MET: variants seen among roughly 807,000 people sequenced by gnomAD.
MET encodes hepatocyte growth factor receptor.
Under a neutral mutation model 133.1 loss-of-function variants are expected in MET, and 48 were observed. That is an observed-to-expected ratio of 0.36 (90% CI 0.29 to 0.46). The LOEUF (loss-of-function observed/expected upper bound fraction) is 0.46. Ranked by LOEUF, MET falls within the 20% of genes least tolerant of loss-of-function variation. The pLI is 1.00. For synonymous variants in MET, 628 were observed against 616.5 expected (o/e 1.02, Z -0.28); for missense variants, 1,442 against 1,695.9 (o/e 0.85, Z 2.63).
Position 116,763,349 on chromosome 7 carries a change from A to G in MET, c.2583+81A>G, listed in dbSNP as rs763045980. 66 of 1,281,228 alleles carry G rather than the reference A, an allele frequency of 5.2e-5. 1 individual carries two copies. The highest frequency in any genetic ancestry group is 6.4e-5 in the Non-Finnish European group (57 of 894,176). The allele number at this position is 1,281,228 out of a possible 1,614,324, so 79.4% of individuals were successfully genotyped here. A position where few individuals can be genotyped will look rare whatever the true frequency, so the allele number is the denominator to read the frequency against. On this transcript the variant is annotated intron_variant, in intron 11 of 20. Transcript: ENST00000397752. Reference sequence around the variant, plus strand: ...ATAGCTATGTGAATACAATTGTTGTACTTGGCCATTGTATCTTATACAACA... The same window carrying G: ...ATAGCTATGTGAATACAATTGTTGTGCTTGGCCATTGTATCTTATACAACA...
At chr7:116,736,918 A>G (rs1324359680) in intron 3 of MET, among the ~76,000 whole-genome samples, 1 of 152,240 alleles carries the variant, frequency 6.6e-6, no homozygotes, top group African/African-American at 2.4e-5. Context: ...CTCCATGACA[A>G]CCAAAAGGAA....
intron 2 of MET, among the ~76,000 whole-genome samples, chr7:116,726,492 A>G (rs1157778365): frequency 6.6e-6 from 1 of 151,950 alleles, no homozygotes; most frequent in Non-Finnish European, 1.5e-5. Context: ...CCCAGCCAAT[A>G]AAGCACATTA....
At position 116,782,005 on chromosome 7, in the gene MET, T is replaced by A; in HGVS notation, c.3540T>A (p.Asp1180Glu). ...GACTGCAGAATCCAACTGTAAAAGA[T>A]CTTATTGGCTTTGGTCTTCAAGTAG... ...RNETHNPTVK[D>E]LIGFGLQVAK... The change falls in exon 18 of 21, where the codon GAT becomes GAA. Residue 1180 changes from aspartate (D) to glutamate (E), a missense_variant. Around this residue, in one of 6 missense-constraint regions of MET, gnomAD observed 514 missense variants for 659.6 expected, o/e 0.78. Coordinates refer to ENST00000397752, the MANE Select transcript of MET (RefSeq NM_000245.4). The A allele has an allele frequency of 6.2e-7, 1 of 1,613,040 alleles. No homozygotes were observed. The highest frequency in any genetic ancestry group is 1.1e-5 in the South Asian group (1 of 91,000).
rs561588772 is a variant in MET at position 116,740,029 on chromosome 7, T to C, written c.1472T>C (p.Ile491Thr). The change falls in exon 4 of 21, where the codon ATT becomes ACT. Residue 491 changes from isoleucine (I) to threonine (T), a missense_variant. By Grantham distance (89) the Ile-to-Thr change is moderately conservative (BLOSUM62 -1). Coordinates refer to ENST00000397752, the MANE Select transcript of MET (RefSeq NM_000245.4). Reference protein sequence around the residue: ...LDSHPVSPEVIVEHTLNQNGY... With the variant: ...LDSHPVSPEVTVEHTLNQNGY... ...TCCCATCCAGTGTCTCCAGAAGTGA[T>C]TGTGGAGCATACATTAAACCAAAAT... 9.3e-6 allele frequency: 15 copies of C among 1,614,166 alleles called. No individual in the cohort carries two copies. Among genetic ancestry groups the C allele is most frequent in the Admixed American group, 6.7e-5 (4 of 60,028 alleles).
At chr7:116,683,969 C>T (rs190271021) in intron 1 of MET, among the ~76,000 whole-genome samples, 17 of 152,304 alleles carry the variant, frequency 1.1e-4, no homozygotes, top group South Asian at 6.2e-4. Flanking sequence ...CACCGATGGA[C>T]GAGTGGTTCA....
intron 2 of MET, among the ~76,000 whole-genome samples, chr7:116,716,455 A>AAAAG (rs1161474789): frequency 1.0e-4 from 15 of 147,052 alleles, no homozygotes; most frequent in African/African-American, 3.5e-4. Context: ...AAAGAAAAAG[A>AAAAG]AAAGAAAGAA....
intron 1 of MET, among the ~76,000 whole-genome samples, chr7:116,673,396 T>G (rs948659431): frequency 6.6e-6 from 1 of 152,234 alleles, no homozygotes; most frequent in Admixed American, 6.5e-5. Flanking sequence ...TCGGGCAGAA[T>G]GAAATATTGT....
chr7:116,679,716 A>G (rs1402089605), intron 1 of MET, among the ~76,000 whole-genome samples: 1 of 152,220 alleles, frequency 6.6e-6, no homozygotes, highest in African/African-American at 2.4e-5. Flanking sequence ...GCTCCAAATT[A>G]CATGGATGAC....
At chr7:116,724,576 G>T (rs1352338219) in intron 2 of MET, among the ~76,000 whole-genome samples, 1 of 152,140 alleles carries the variant, frequency 6.6e-6, no homozygotes, top group Non-Finnish European at 1.5e-5. Flanking sequence ...GCCTGTAGTG[G>T]TTGGAGGACC....
intron 1 of MET, among the ~76,000 whole-genome samples, chr7:116,677,567 A>C (rs1373890647): frequency 6.6e-6 from 1 of 152,216 alleles, no homozygotes; most frequent in Non-Finnish European, 1.5e-5. Flanking sequence ...ATGTTGACTC[A>C]GTGTCTTTAA....
At chr7:116,704,133 G>A (rs1025655839) in intron 2 of MET, among the ~76,000 whole-genome samples, 1 of 152,086 alleles carries the variant, frequency 6.6e-6, no homozygotes, top group African/African-American at 2.4e-5. Flanking sequence ...CACATTACCT[G>A]ACTTCTTGGA....
intron 5 of MET, among the ~76,000 whole-genome samples, chr7:116,744,195 A>G (rs1793569149): frequency 6.6e-6 from 1 of 152,138 alleles, no homozygotes; most frequent in African/African-American, 2.4e-5. Flanking sequence ...GAGTTTAACA[A>G]ATTGACAGCA....
chr7:116,756,163 C>T (rs1053383145), intron 6 of MET, among the ~76,000 whole-genome samples: 2 of 152,102 alleles, frequency 1.3e-5, no homozygotes, highest in African/African-American at 4.8e-5. Context: ...AAGAGCTGAA[C>T]AAGCCTTCAG....
chr7:116,709,201 T>C (rs1436513176), intron 2 of MET, among the ~76,000 whole-genome samples: 1 of 152,248 alleles, frequency 6.6e-6, no homozygotes, highest in African/African-American at 2.4e-5. Context: ...CAGACACATG[T>C]TGCCTTTCTG....
intron 10 of MET, among the ~76,000 whole-genome samples, chr7:116,762,525 A>G (rs1794438951): frequency 1.3e-5 from 2 of 152,234 alleles, no homozygotes; most frequent in African/African-American, 4.8e-5. Flanking sequence ...CATGTTCACC[A>G]TATGGTGCTT....
chr7:116,783,139 A>T (rs886312940), intron 18 of MET, among the ~76,000 whole-genome samples, 165 bp from the exon 19 acceptor site: 1 of 152,214 alleles, frequency 6.6e-6, no homozygotes, highest in Non-Finnish European at 1.5e-5. Flanking sequence ...TTTATTCAAG[A>T]ATTCTGTTGT....
intron 10 of MET, among the ~76,000 whole-genome samples, chr7:116,761,390 T>G (rs900324263): frequency 2.0e-5 from 3 of 152,186 alleles, no homozygotes; most frequent in African/African-American, 4.8e-5. Context: ...TGAAAAGTAC[T>G]TTATAAGGAG....
chr7:116,682,541 C>A (rs1796398059), intron 1 of MET, among the ~76,000 whole-genome samples: 1 of 152,094 alleles, frequency 6.6e-6, no homozygotes. Context: ...GCCCATAGAC[C>A]TGATGAATTA....
intron 2 of MET, among the ~76,000 whole-genome samples, chr7:116,707,974 A>T (rs1404149659): frequency 6.6e-6 from 1 of 152,170 alleles, no homozygotes; most frequent in Non-Finnish European, 1.5e-5. Flanking sequence ...TTTCAGCAGG[A>T]GACAGAGGAA....
Sources: gnomAD v4.1 joint callset for allele counts (sites outside exome capture counted in the v4.1 genomes callset) on GRCh38, gnomAD v4.1.1 for gene constraint, gnomAD v4.1.1 regional missense constraint, MANE v1.5 for transcripts, NCBI Gene and HGNC (gene_info 2026-07-23, HGNC 2026-07-21) for gene names.